The following RPTOR variants were observed in gnomAD, a reference collection of about 807,000 sequenced individuals.
The protein encoded by RPTOR is regulatory associated protein of MTOR complex 1.
A neutral mutation model predicts 169.9 loss-of-function variants in RPTOR; 21 were observed. The observed-to-expected ratio is 0.12, with a 90% CI of 0.09 to 0.18. The LOEUF (loss-of-function observed/expected upper bound fraction) is 0.18. RPTOR is among the 10% of genes least tolerant of loss of function. The pLI, the probability that RPTOR is intolerant of heterozygous loss-of-function variation, is 1.00. For missense variants in RPTOR, 1,133 were observed against 1,855.9 expected (o/e 0.61, Z 7.16); for synonymous variants, 732 against 753.2 (o/e 0.97, Z 0.46).
At chr17:80,913,985 C>T (rs972102046) in intron 21 of RPTOR, among the ~76,000 whole-genome samples, 1 of 152,242 alleles carries the variant, frequency 6.6e-6, no homozygotes, top group Admixed American at 6.5e-5. Context: ...TGCACAAACT[C>T]ACCTAGAAGC....
chr17:80,652,387 A>C (rs2065647956), intron 3 of RPTOR, among the ~76,000 whole-genome samples: 1 of 152,166 alleles, frequency 6.6e-6, no homozygotes, highest in African/African-American at 2.4e-5. Context: ...TACTCCACAC[A>C]AATGGAGCCA....
chr17:80,697,127 G>T (rs542714606), intron 3 of RPTOR, among the ~76,000 whole-genome samples: 1 of 152,136 alleles, frequency 6.6e-6, no homozygotes, highest in Non-Finnish European at 1.5e-5. Context: ...GCAAGGTGAG[G>T]GGTTTTACTG....
chr17:80,885,101 A>G lies in RPTOR; in HGVS notation c.1936A>G (p.Met646Val). Residue 646 changes from methionine to valine, a missense_variant, in exon 17 of 34, where the codon ATG (methionine) becomes GTG (valine). Met to Val is a conservative substitution (Grantham distance 21). Transcript: ENST00000306801. Reference sequence around the variant, plus strand: ...CACCACCATCGACCACAACGTGGCCATGATGCTGGCCCAGCTGGTCAGCGA... The same window carrying G: ...CACCACCATCGACCACAACGTGGCCGTGATGCTGGCCCAGCTGGTCAGCGA... Reference protein sequence around the residue: ...HSTTIDHNVAMMLAQLVSDGS... With the variant: ...HSTTIDHNVAVMLAQLVSDGS... 1.3e-6 allele frequency: 2 copies of G among 1,586,894 alleles called. No homozygotes were observed. The highest frequency in any genetic ancestry group is 1.7e-6 in the Non-Finnish European group (2 of 1,167,494).
chr17:80,742,554 TTACA>T (rs1249477746), intron 5 of RPTOR, among the ~76,000 whole-genome samples: 62 of 148,642 alleles, frequency 4.2e-4, no homozygotes, highest in Non-Finnish European at 7.6e-4. Flanking sequence ...TCACCTACAT[TTACA>T]TACATGTATG....
chr17:80,815,112 C>T (rs1269493250), intron 7 of RPTOR, among the ~76,000 whole-genome samples: 2 of 152,260 alleles, frequency 1.3e-5, no homozygotes, highest in Non-Finnish European at 2.9e-5. Context: ...GCTTGAGTTA[C>T]TCAGCCTCCA....
At chr17:80,576,236 A>G (rs1006072465) in intron 1 of RPTOR, among the ~76,000 whole-genome samples, 17 of 152,036 alleles carry the variant, frequency 1.1e-4, no homozygotes, top group African/African-American at 3.9e-4. Context: ...TGTGCTTTCT[A>G]TTTGTCCTTC....
At chr17:80,641,615 C>A (rs1160706375) in intron 2 of RPTOR, among the ~76,000 whole-genome samples, 2 of 152,316 alleles carry the variant, frequency 1.3e-5, no homozygotes, top group South Asian at 4.1e-4. Context: ...GTGTCCAGTG[C>A]ATATAAAAGT....
intron 10 of RPTOR, among the ~76,000 whole-genome samples, chr17:80,846,224 G>C (rs559483426): frequency 6.6e-6 from 1 of 152,236 alleles, no homozygotes; most frequent in African/African-American, 2.4e-5. Context: ...TCGGTGCCCT[G>C]GCCAAAAGCC....
At chr17:80,554,410 C>CA in intron 1 of RPTOR, among the ~76,000 whole-genome samples, 1 of 152,108 alleles carries the variant, frequency 6.6e-6, no homozygotes, top group Middle Eastern at 3.4e-3. Flanking sequence ...ATACTTCAAC[C>CA]AAAACAGTGT....
chr17:80,707,737 AC>A lies in RPTOR; in HGVS notation c.349-102del. On this transcript the variant is annotated intron_variant, in intron 3 of 33. Coordinates refer to ENST00000306801, the MANE Select transcript of RPTOR (RefSeq NM_020761.3). The surrounding 1 kb of genome is among the most constrained non-coding windows in gnomAD (Gnocchi z 5.0). ...AGAAACTCAGAGCCATGTGTCCAGG[AC>A]CACACAGCTATTAACTGCAAACCCA... 1 of 1,094,056 alleles carries A rather than the reference AC, an allele frequency of 9.1e-7. No individual in the cohort carries two copies. The highest frequency in any genetic ancestry group is 1.3e-6 in the Non-Finnish European group (1 of 759,600). 67.8% of individuals were successfully genotyped at this position (1,094,056 alleles called of 1,614,324 possible).
At position 80,545,203 on chromosome 17, in the gene RPTOR, C is replaced by T. The variant is rs2084258916; in HGVS notation, c.-427C>T. 1 of 235,974 alleles carries T rather than the reference C, an allele frequency of 4.2e-6. No individual in the cohort carries two copies. The allele number at this position is 235,974 out of a possible 1,614,324, so 14.6% of individuals were successfully genotyped here. ...GGCCGGAGACCTCAGCCCAGTCGGCCCAGTGGGCGAACCGGCACCAAGAGC... is the reference window on the plus strand; with the variant it reads ...GGCCGGAGACCTCAGCCCAGTCGGCTCAGTGGGCGAACCGGCACCAAGAGC... On this transcript the variant is annotated 5_prime_UTR_variant, in exon 1 of 34. Coordinates refer to ENST00000306801, the MANE Select transcript of RPTOR (RefSeq NM_020761.3).
chr17:80,869,133 T>C (rs1231131697), intron 13 of RPTOR, among the ~76,000 whole-genome samples: 1 of 152,194 alleles, frequency 6.6e-6, no homozygotes, highest in Non-Finnish European at 1.5e-5. Context: ...TACAAAGAAC[T>C]GTACTGTTCC....
chr17:80,774,078 G>T, intron 6 of RPTOR: 1 of 985,380 alleles, frequency 1.0e-6, no homozygotes, highest in Non-Finnish European at 1.2e-6. Flanking sequence ...ACTGATCATT[G>T]TGTTCACTAG....
chr17:80,857,190 C>T (rs1567951953), intron 12 of RPTOR, among the ~76,000 whole-genome samples: 2 of 152,244 alleles, frequency 1.3e-5, no homozygotes, highest in Non-Finnish European at 1.5e-5. Context: ...CCTCTGAGGG[C>T]AGAGAGTCCC....
In RPTOR at chr17:80,860,547, G is replaced by A. The variant is rs149944254; in HGVS notation, c.1509+2647G>A. On this transcript the variant is annotated intron_variant, in intron 13 of 33. Transcript: ENST00000306801. The surrounding 1 kb of genome is among the most constrained non-coding windows in gnomAD (Gnocchi z 5.8). ...GCCTCCCCACACCCCAAGTCCTCAC[G>A]TACTACTTTGGTGTCACAGCTGAAG... Among the ~76,000 whole-genome samples the A allele has an allele frequency of 7.9e-5, 12 of 152,194 alleles. No homozygotes were observed. In the South Asian group the frequency reaches 8.3e-4, roughly 11 times the overall value.
At chr17:80,722,507 T>G (rs2066295270) in intron 4 of RPTOR, among the ~76,000 whole-genome samples, 1 of 150,582 alleles carries the variant, frequency 6.6e-6, no homozygotes, top group African/African-American at 2.5e-5. Context: ...GCCGGAGACC[T>G]GGGGAGAGAG....
At chr17:80,549,081 C>T (rs2084314151) in intron 1 of RPTOR, among the ~76,000 whole-genome samples, 1 of 152,156 alleles carries the variant, frequency 6.6e-6, no homozygotes, top group Non-Finnish European at 1.5e-5. Flanking sequence ...GAGCTACAGC[C>T]CTTGCCCGCT....
intron 9 of RPTOR, among the ~76,000 whole-genome samples, chr17:80,835,019 C>T (rs925830033): frequency 6.6e-6 from 1 of 152,186 alleles, no homozygotes; most frequent in Non-Finnish European, 1.5e-5. Context: ...AGTAAAATCT[C>T]CCTCAATGCT....
At chr17:80,825,776 G>C (rs931585595) in intron 9 of RPTOR, among the ~76,000 whole-genome samples, 7 of 152,204 alleles carry the variant, frequency 4.6e-5, no homozygotes, top group Admixed American at 3.9e-4. Context: ...CAGAGGCTCC[G>C]CTTGGGCTAA....
Sources: gnomAD v4.1 joint callset for allele counts (sites outside exome capture counted in the v4.1 genomes callset) on GRCh38, gnomAD v4.1.1 for gene constraint, Gnocchi (gnomAD v3.1) non-coding constraint, MANE v1.5 for transcripts, NCBI Gene and HGNC (gene_info 2026-07-23, HGNC 2026-07-21) for gene names.